The following ACTR3C variants were observed in gnomAD, a reference collection of about 807,000 sequenced individuals.
ACTR3C encodes actin-related protein 3C.
ACTR3C carries 18 observed loss-of-function variants against 26.3 expected under a neutral mutation model. The observed-to-expected ratio is 0.68, with a 90% confidence interval of 0.47 to 1.01. ACTR3C has a LOEUF of 1.01. ACTR3C is among the 50% of genes least tolerant of loss of function. The pLI, the probability that ACTR3C is intolerant of heterozygous loss-of-function variation, is 0.00. For synonymous variants in ACTR3C, 55 were observed against 94.5 expected (o/e 0.58, Z 2.42); for missense variants, 184 against 250.7 (o/e 0.73, Z 1.80).
At chr7:150,025,015 T>C in the ACTR3C span, among the ~76,000 whole-genome samples, 1 of 152,146 alleles carries the variant, frequency 6.6e-6, no homozygotes, top group South Asian at 2.1e-4. Context: ...TTTGTCATGA[T>C]ACAAACATAT....
At chr7:150,209,478 T>G in the ACTR3C span, among the ~76,000 whole-genome samples, 1 of 150,940 alleles carries the variant, frequency 6.6e-6, no homozygotes, top group Non-Finnish European at 1.5e-5. Context: ...AGTTTTAGAT[T>G]GAACATTTTT....
chr7:149,948,448 C>T, the ACTR3C span, among the ~76,000 whole-genome samples: 77 of 151,112 alleles, frequency 5.1e-4, no homozygotes, highest in African/African-American at 1.8e-3. Context: ...CCTGTGCACA[C>T]GGTCACACGT....
the ACTR3C span, among the ~76,000 whole-genome samples, chr7:150,179,044 A>G: frequency 6.7e-6 from 1 of 149,316 alleles, no homozygotes; most frequent in African/African-American, 2.6e-5. Flanking sequence ...TTTCTGACAC[A>G]TGGCTGGATG....
the ACTR3C span, among the ~76,000 whole-genome samples, chr7:150,142,676 C>G: frequency 6.6e-6 from 1 of 151,272 alleles, no homozygotes; most frequent in South Asian, 2.1e-4. Flanking sequence ...TTACAGACGC[C>G]CACCACCACA....
chr7:150,277,023 C>A (rs1476119154), intron 6 of ACTR3C, among the ~76,000 whole-genome samples: 2 of 152,150 alleles, frequency 1.3e-5, no homozygotes, highest in Non-Finnish European at 2.9e-5. Context: ...TGTGGTTGGG[C>A]CTCATCCAGT....
chr7:150,298,080 A>G (rs1313365991), intron 1 of ACTR3C, among the ~76,000 whole-genome samples: 1 of 151,280 alleles, frequency 6.6e-6, no homozygotes, highest in Non-Finnish European at 1.5e-5. Context: ...TAACACTGGA[A>G]TAAGTTTAGT....
the ACTR3C span, among the ~76,000 whole-genome samples, chr7:149,915,081 T>C: frequency 1.3e-5 from 2 of 152,102 alleles, no homozygotes; most frequent in African/African-American, 2.4e-5. Flanking sequence ...GGTTTCACCA[T>C]GTTGGCCAGG....
At chr7:149,937,874 C>T in the ACTR3C span, among the ~76,000 whole-genome samples, 6 of 152,254 alleles carry the variant, frequency 3.9e-5, no homozygotes, top group Admixed American at 3.9e-4. Context: ...CAGTAACACA[C>T]GAGATGGGAG....
intron 1 of ACTR3C, among the ~76,000 whole-genome samples, chr7:150,304,693 CA>C (rs1474530330): frequency 6.6e-6 from 1 of 151,098 alleles, no homozygotes; most frequent in Non-Finnish European, 1.5e-5. Flanking sequence ...TGCCCCATCT[CA>C]AAATCTGAGT....
chr7:149,896,344 G>A, the ACTR3C span, among the ~76,000 whole-genome samples: 1 of 152,104 alleles, frequency 6.6e-6, no homozygotes. Context: ...GCTGACTTGA[G>A]GAAAGTTATT....
chr7:150,287,990 G>A, intron 4 of ACTR3C, among the ~76,000 whole-genome samples: 1 of 146,536 alleles, frequency 6.8e-6, no homozygotes. Context: ...GTGTGCTCAC[G>A]TTACACACTC....
At chr7:149,988,994 C>T in the ACTR3C span, among the ~76,000 whole-genome samples, 2 of 152,182 alleles carry the variant, frequency 1.3e-5, no homozygotes, top group Non-Finnish European at 2.9e-5. Context: ...GCCCCTGAGG[C>T]TGTTCACTGA....
the ACTR3C span, among the ~76,000 whole-genome samples, chr7:150,149,936 T>A: frequency 6.6e-6 from 1 of 152,220 alleles, no homozygotes; most frequent in Non-Finnish European, 1.5e-5. Flanking sequence ...CTTTTGAAAG[T>A]AGCCCGATTT....
At chr7:149,946,517 C>T in the ACTR3C span, among the ~76,000 whole-genome samples, 3,090 of 152,272 alleles carry the variant, frequency 0.02, 104 homozygotes, top group African/African-American at 0.069. Context: ...GGTTGGCAGG[C>T]GAGTCCCCCT....
chr7:150,309,302 C>T (rs567174164), intron 1 of ACTR3C, among the ~76,000 whole-genome samples: 26 of 152,208 alleles, frequency 1.7e-4, no homozygotes, highest in Non-Finnish European at 3.1e-4. Flanking sequence ...TACCCTTAGA[C>T]GCTTTACAGC....
At chr7:150,160,867 A>G in the ACTR3C span, among the ~76,000 whole-genome samples, 1 of 149,080 alleles carries the variant, frequency 6.7e-6, no homozygotes, top group Admixed American at 6.7e-5. Flanking sequence ...TACATTAATT[A>G]CAGGAGTATA....
At chr7:149,934,301 A>C in the ACTR3C span, among the ~76,000 whole-genome samples, 23 of 152,122 alleles carry the variant, frequency 1.5e-4, 1 homozygote. Context: ...GTTGAGCTCC[A>C]CTCAACACTA....
At chr7:150,143,922 G>A in the ACTR3C span, among the ~76,000 whole-genome samples, 1 of 152,236 alleles carries the variant, frequency 6.6e-6, no homozygotes, top group African/African-American at 2.4e-5. Flanking sequence ...AAGAGAAGGA[G>A]ATCAGGTGAG....
At chr7:150,211,964 T>A in the ACTR3C span, among the ~76,000 whole-genome samples, 1 of 146,632 alleles carries the variant, frequency 6.8e-6, no homozygotes, top group African/African-American at 2.7e-5. Flanking sequence ...TCATAATGCC[T>A]AAATGCCTTA....
Sources: gnomAD v4.1 joint callset for allele counts (sites outside exome capture counted in the v4.1 genomes callset) on GRCh38, gnomAD v4.1.1 for gene constraint, MANE v1.5 for transcripts, NCBI Gene and HGNC (gene_info 2026-07-23, HGNC 2026-07-21) for gene names.